Variants in PIK3C2G observed in about 807,000 individuals in gnomAD.
PIK3C2G encodes phosphatidylinositol-4-phosphate 3-kinase catalytic subunit type 2 gamma, also known as phosphatidylinositol 3-kinase C2 domain-containing subunit gamma.
PIK3C2G carries 168 observed loss-of-function variants against 181.1 expected under a neutral mutation model. The ratio of observed to expected loss-of-function variants is 0.93; its 90% CI spans 0.82 to 1.05. PIK3C2G has a LOEUF of 1.05. Ranked by LOEUF, PIK3C2G falls within the 50% of genes least tolerant of loss-of-function variation. The probability of loss-of-function intolerance (pLI) is 0.00; values close to 1 mark genes in which losing one functional copy is unlikely to be tolerated. For missense variants in PIK3C2G, 1,869 were observed against 1,732.8 expected, an observed-to-expected ratio of 1.08 and a Z score of -1.40; for synonymous variants, 573 against 592.2, an observed-to-expected ratio of 0.97 and a Z score of 0.47.
At chr12:18,627,757 A>C (rs189639688) in intron 31 of PIK3C2G, among the ~76,000 whole-genome samples, 1 of 152,334 alleles carries the variant, frequency 6.6e-6, no homozygotes, top group Admixed American at 6.5e-5. Context: ...TGTGACAGGC[A>C]CATAGATGAG....
At chr12:18,573,791 T>C (rs556920693) in intron 29 of PIK3C2G, among the ~76,000 whole-genome samples, 3 of 152,186 alleles carry the variant, frequency 2.0e-5, no homozygotes, top group Admixed American at 2.0e-4. Flanking sequence ...TGTGCTCTAC[T>C]ACAGCCATTC....
chr12:18,245,708 T>C (rs1948032836), upstream of PIK3C2G, among the ~76,000 whole-genome samples: 1 of 152,160 alleles, frequency 6.6e-6, no homozygotes, highest in Non-Finnish European at 1.5e-5. Context: ...TAATACAGCA[T>C]TATTTGCTTA....
intron 30 of PIK3C2G, among the ~76,000 whole-genome samples, chr12:18,599,161 G>C (rs1947553031): frequency 6.6e-6 from 1 of 152,154 alleles, no homozygotes; most frequent in African/African-American, 2.4e-5. Flanking sequence ...TATACCCAAA[G>C]GACTATAAAT....
intron 31 of PIK3C2G, 110 bp downstream of exon 31, chr12:18,609,739 A>C (rs1240280844): frequency 1.6e-6 from 1 of 638,530 alleles, no homozygotes; most frequent in African/African-American, 1.8e-5. Flanking sequence ...ATCTCCGCCA[A>C]GTTTAAGTAA....
intron 19 of PIK3C2G, among the ~76,000 whole-genome samples, chr12:18,488,890 G>A (rs1277934065): frequency 1.3e-5 from 2 of 152,062 alleles, no homozygotes; most frequent in African/African-American, 2.4e-5. Flanking sequence ...CGTATAGGCA[G>A]TTGGACTAAA....
intron 1 of PIK3C2G, among the ~76,000 whole-genome samples, chr12:18,265,907 A>C (rs886735397): frequency 1.3e-5 from 2 of 149,956 alleles, no homozygotes; most frequent in Non-Finnish European, 3.0e-5. Context: ...CCAGCTACTC[A>C]GGAGGCTGAG....
intron 29 of PIK3C2G, among the ~76,000 whole-genome samples, chr12:18,575,742 A>G (rs142444309): frequency 2.0e-3 from 312 of 152,306 alleles, no homozygotes; most frequent in Admixed American, 3.6e-3. Flanking sequence ...AGGCAAAGAG[A>G]ACTGCAAAAA....
intron 31 of PIK3C2G, among the ~76,000 whole-genome samples, chr12:18,631,965 T>TC (rs976580146): frequency 6.6e-6 from 1 of 152,140 alleles, no homozygotes; most frequent in Non-Finnish European, 1.5e-5. Flanking sequence ...ACATCAGTGT[T>TC]CCCCACTGGG....
chr12:18,723,575 T>G, the PIK3C2G span: 132 of 1,505,864 alleles, frequency 8.8e-5, no homozygotes, highest in African/African-American at 1.5e-3. Context: ...GCTCACATTG[T>G]GAGTATAAAA....
At chr12:18,390,711 G>A (rs1348827821) in intron 14 of PIK3C2G, among the ~76,000 whole-genome samples, 4 of 151,796 alleles carry the variant, frequency 2.6e-5, no homozygotes, top group East Asian at 1.9e-4. Context: ...TTTTTCAGGC[G>A]GGTTACATGA....
At chr12:18,344,789 A>ATAAACAC (rs1266685223) in intron 10 of PIK3C2G, among the ~76,000 whole-genome samples, 9 of 152,248 alleles carry the variant, frequency 5.9e-5, no homozygotes, top group African/African-American at 2.2e-4. Context: ...ATTAGGTGCG[A>ATAAACAC]TAAACACTTT....
At chr12:18,259,560 A>C (rs116376240), upstream of PIK3C2G, among the ~76,000 whole-genome samples, 1,404 of 152,194 alleles carry the variant, frequency 9.2e-3, 21 homozygotes, top group African/African-American at 0.031. Flanking sequence ...AGTGGGGGGA[A>C]ATAAGCCTAT....
chr12:18,611,018 G>T (rs1039545587), intron 31 of PIK3C2G, among the ~76,000 whole-genome samples: 1 of 152,010 alleles, frequency 6.6e-6, no homozygotes, highest in Non-Finnish European at 1.5e-5. Flanking sequence ...CCTAGTTTTT[G>T]ATCAGAAGTG....
chr12:18,620,568 A>G (rs79781608), intron 31 of PIK3C2G, among the ~76,000 whole-genome samples: 60 of 151,438 alleles, frequency 4.0e-4, no homozygotes, highest in African/African-American at 1.4e-3. Flanking sequence ...ATAGATAGAT[A>G]GGTAACCATA....
chr12:18,266,318 T>C (rs1465962013), intron 1 of PIK3C2G, among the ~76,000 whole-genome samples: 2 of 152,154 alleles, frequency 1.3e-5, no homozygotes, highest in African/African-American at 4.8e-5. Flanking sequence ...ATATGAACTT[T>C]TAAAAAAGCA....
chr12:18,348,623 T>G (rs1349415562), intron 11 of PIK3C2G, among the ~76,000 whole-genome samples: 1 of 152,170 alleles, frequency 6.6e-6, no homozygotes, highest in East Asian at 1.9e-4. Flanking sequence ...TATTCCTGTC[T>G]TAAGGAATCC....
At position 18,597,945 on chromosome 12, in the gene PIK3C2G, T is replaced by C. The variant is rs1301547559; in HGVS notation, c.4087+3376T>C. Reference sequence around the variant, plus strand: ...ACCTAGGAATCCAACTTACAAGGGATGTGAAGGACCTCTTCAAGGAGAACT... The same window carrying C: ...ACCTAGGAATCCAACTTACAAGGGACGTGAAGGACCTCTTCAAGGAGAACT... On this transcript the variant is annotated intron_variant, in intron 30 of 32. Transcript: ENST00000538779. 3.3e-5 allele frequency among the ~76,000 whole-genome samples: 5 copies of C among 152,242 alleles called. No individual in the cohort carries two copies. The South Asian group carries it at 6.2e-4, about 19-fold the overall frequency.
rs746480488 is a variant in PIK3C2G, at chr12:18,253,473, A to G, written c.-79+5391A>G. ...GTGGGAGAGTAAAACGTGTGTGTGT[A>G]TATGTATATATATGCACAGATATTA... On this transcript the variant is annotated intron_variant, in intron 1 of 11. Coordinates refer to the PIK3C2G transcript ENST00000535651. Among the ~76,000 whole-genome samples, 12 of 152,184 alleles carry G rather than the reference A, an allele frequency of 7.9e-5. 1 individual carries two copies. The highest frequency in any genetic ancestry group is 1.0e-4 in the Non-Finnish European group (7 of 68,028).
intron 9 of PIK3C2G, among the ~76,000 whole-genome samples, chr12:18,338,882 G>A (rs1030780601): frequency 3.3e-5 from 5 of 151,890 alleles, no homozygotes; most frequent in African/African-American, 4.8e-5. Flanking sequence ...CTAAATGAAC[G>A]TAATTATATA....
Sources: gnomAD v4.1 joint callset for allele counts (sites outside exome capture counted in the v4.1 genomes callset) on GRCh38, gnomAD v4.1.1 for gene constraint, MANE v1.5 for transcripts, NCBI Gene and HGNC (gene_info 2026-07-23, HGNC 2026-07-21) for gene names.